MCC: variants seen among roughly 807,000 people sequenced by gnomAD.
The protein encoded by MCC is MCC regulator of Wnt signaling pathway.
In MCC, 90 loss-of-function variants were observed where a neutral mutation model predicts 116.2. That is an observed-to-expected ratio of 0.77 (90% CI 0.65 to 0.92). MCC has a LOEUF of 0.92. Among genes scored for constraint, MCC ranks in the 40% least tolerant of loss-of-function variants. MCC has a pLI of 0.00. For missense variants in MCC, 1,516 were observed against 1,312.2 expected, an observed-to-expected ratio of 1.16 and a Z score of -2.40; for synonymous variants, 578 against 510.5, an observed-to-expected ratio of 1.13 and a Z score of -1.78.
intron 17 of MCC, among the ~76,000 whole-genome samples, chr5:113,029,457 A>T (rs1750809863): frequency 6.6e-6 from 1 of 151,228 alleles, no homozygotes; most frequent in Admixed American, 6.6e-5. Flanking sequence ...CTCCTGAACC[A>T]CTCAGGTTTA....
chr5:113,113,183 T>G (rs1757198994), intron 6 of MCC, among the ~76,000 whole-genome samples: 1 of 152,216 alleles, frequency 6.6e-6, no homozygotes, highest in Non-Finnish European at 1.5e-5. Context: ...ACCTACAGAT[T>G]CTTTCAGCCT....
Position 113,024,862 on chromosome 5 carries a change from T to C in MCC, c.*2440A>G, listed in dbSNP as rs545300880. ...AAAAATACAAGAAAAGGAAAAACTT[T>C]TATAGCTTTTTTATTATACATATTT... On this transcript the variant is annotated 3_prime_UTR_variant, in exon 19 of 19. Coordinates refer to ENST00000408903, the MANE Select transcript of MCC (RefSeq NM_001085377.2). The C allele has an allele frequency of 2.8e-4, 43 of 152,308 alleles. 1 individual carries two copies. The highest frequency in any genetic ancestry group is 1.0e-3 in the African/African-American group (43 of 41,570). The allele number at this position is 152,308 out of a possible 1,614,324, so 9.4% of individuals were successfully genotyped here.
chr5:113,042,141 T>C (rs906999689), intron 17 of MCC, among the ~76,000 whole-genome samples: 44 of 150,842 alleles, frequency 2.9e-4, no homozygotes, highest in Non-Finnish European at 5.6e-4. Flanking sequence ...GAATTACATG[T>C]GAAGAAACAG....
intron 3 of MCC, among the ~76,000 whole-genome samples, chr5:113,306,383 G>A (rs1371127923): frequency 1.3e-5 from 2 of 152,192 alleles, no homozygotes; most frequent in African/African-American, 4.8e-5. Context: ...CACTAGCCAT[G>A]TATGAGGGTT....
chr5:113,115,861 G>C (rs1757363341), intron 6 of MCC, among the ~76,000 whole-genome samples: 1 of 152,152 alleles, frequency 6.6e-6, no homozygotes, highest in African/African-American at 2.4e-5. Flanking sequence ...GGGTAGAGAA[G>C]GGACAGCAAC....
At chr5:113,159,060 A>G (rs1275261216) in intron 3 of MCC, among the ~76,000 whole-genome samples, 1 of 152,152 alleles carries the variant, frequency 6.6e-6, no homozygotes, top group Admixed American at 6.5e-5. Context: ...GGGAGCGAGA[A>G]GGGTGGCAGG....
At chr5:113,227,995 G>A (rs1458583480) in intron 3 of MCC, among the ~76,000 whole-genome samples, 2 of 152,200 alleles carry the variant, frequency 1.3e-5, no homozygotes, top group Non-Finnish European at 2.9e-5. Flanking sequence ...CATAGCAACA[G>A]ATGATGCTAC....
Position 113,151,408 on chromosome 5 carries a change from G to A in MCC, c.642C>T (p.Ala214=). 6.2e-7 allele frequency: 1 copy of A among 1,607,242 alleles called. No homozygotes were observed. Among genetic ancestry groups the A allele is most frequent in the Non-Finnish European group, 8.5e-7 (1 of 1,174,440 alleles). Residue 214 remains alanine (A), a synonymous_variant, in exon 4 of 19, where the codon GCC becomes GCT. Coordinates refer to ENST00000408903, the MANE Select transcript of MCC (RefSeq NM_001085377.2). ...CTATATCTCCCTTTAGTGATGCCAG[G>A]GCTGCTGAATGGAGCTGTGGTGACA... The part of the protein sequence containing the change: ...LELANTLHSA[A]LASLKGDIVE...
intron 2 of MCC, among the ~76,000 whole-genome samples, chr5:113,382,278 T>G (rs923414549): frequency 2.0e-5 from 3 of 151,826 alleles, no homozygotes; most frequent in African/African-American, 7.3e-5. Flanking sequence ...TCCTTTTTTT[T>G]TTTTTTTTTG....
At chr5:113,401,238 A>G (rs1165803279) in intron 1 of MCC, among the ~76,000 whole-genome samples, 1 of 152,216 alleles carries the variant, frequency 6.6e-6, no homozygotes, top group Admixed American at 6.5e-5. Flanking sequence ...TTCTTTCACC[A>G]GGGTAAAAAG....
Position 113,488,345 on chromosome 5 carries a change from TGCC to T in MCC, c.67_69del (p.Gly23del), listed in dbSNP as rs756603211. 1 of 1,498,730 alleles carries T rather than the reference TGCC, an allele frequency of 6.7e-7. No individual in the cohort carries two copies. Among genetic ancestry groups the T allele is most frequent in the African/African-American group, 1.4e-5 (1 of 69,358 alleles). The allele number at this position is 1,498,730 out of a possible 1,614,324, so 92.8% of individuals were successfully genotyped here. A position where few individuals can be genotyped will look rare whatever the true frequency, so the allele number is the denominator to read the frequency against. On this transcript the variant is annotated inframe_deletion, in exon 1 of 19. Coordinates refer to ENST00000408903, the MANE Select transcript of MCC (RefSeq NM_001085377.2). ...GACGTGTCGCTGCTGCTGCTGCTGCTGCCGCTGCCGCCGCCGCCGCCGCCGCTG... is the reference window on the plus strand; with the variant it reads ...GACGTGTCGCTGCTGCTGCTGCTGCTGCTGCCGCCGCCGCCGCCGCCGCTG...
chr5:113,239,370 G>C (rs1561478613), intron 3 of MCC, among the ~76,000 whole-genome samples: 1 of 152,300 alleles, frequency 6.6e-6, no homozygotes, highest in Admixed American at 6.5e-5. Context: ...TCCCAAAAGG[G>C]CAGCTCTGAG....
At chr5:113,118,665 T>C (rs1757533721) in intron 6 of MCC, among the ~76,000 whole-genome samples, 1 of 152,236 alleles carries the variant, frequency 6.6e-6, no homozygotes, top group Non-Finnish European at 1.5e-5. Context: ...TTTGCAAATA[T>C]AGCAACTATA....
At position 113,116,025 on chromosome 5, in the gene MCC, T is replaced by C. The variant is rs1188126808; in HGVS notation, c.1027+6659A>G. 3.3e-5 allele frequency among the ~76,000 whole-genome samples: 5 copies of C among 152,308 alleles called. No individual in the cohort carries two copies. In the East Asian group the frequency reaches 5.8e-4, roughly 18 times the overall value. On this transcript the variant is annotated intron_variant, in intron 6 of 18. Coordinates refer to ENST00000408903, the MANE Select transcript of MCC (RefSeq NM_001085377.2). Reference sequence around the variant, plus strand: ...CTGACCACAGCCCAGCTCTCAGGCCTCACTTCTGCCCACTCTCCCCCAGGC... The same window carrying C: ...CTGACCACAGCCCAGCTCTCAGGCCCCACTTCTGCCCACTCTCCCCCAGGC...
At chr5:113,099,367 C>T (rs1393397087) in intron 8 of MCC, among the ~76,000 whole-genome samples, 3 of 152,094 alleles carry the variant, frequency 2.0e-5, no homozygotes, top group Non-Finnish European at 1.5e-5. Context: ...TGTAATTATC[C>T]AATGTCCATG....
At position 113,046,710 on chromosome 5, in the gene MCC, A is replaced by AAAAAAAAAAAAAAAAAAAAAAAAAGAG; in HGVS notation, c.2655+2382_2655+2383insCTCTTTTTTTTTTTTTTTTTTTTTTTT. Reference sequence around the variant, plus strand: ...CAAAAAAAAAAAAAAAAAAAAAAAAAAGAGAGAGATTTTGAAGGTGTTTGT... The same window carrying AAAAAAAAAAAAAAAAAAAAAAAAAGAG: ...CAAAAAAAAAAAAAAAAAAAAAAAAAAAAAAAAAAAAAAAAAAAAAAAAAGAGAGAGAGAGATTTTGAAGGTGTTTGT... On this transcript the variant is annotated intron_variant, in intron 16 of 18. Coordinates refer to ENST00000408903, the MANE Select transcript of MCC (RefSeq NM_001085377.2). Among the ~76,000 whole-genome samples, 6 of 102,408 alleles carry AAAAAAAAAAAAAAAAAAAAAAAAAGAG rather than the reference A, an allele frequency of 5.9e-5. 1 individual carries two copies. Among genetic ancestry groups the AAAAAAAAAAAAAAAAAAAAAAAAAGAG allele is most frequent in the Admixed American group, 2.0e-4 (2 of 10,052 alleles). The allele number at this position is 102,408 out of a possible 152,430, so 67.2% of individuals were successfully genotyped here. A position where few individuals can be genotyped will look rare whatever the true frequency, so the allele number is the denominator to read the frequency against.
At chr5:113,471,794 G>A (rs1325400051) in intron 1 of MCC, among the ~76,000 whole-genome samples, 1 of 146,258 alleles carries the variant, frequency 6.8e-6, no homozygotes, top group Non-Finnish European at 1.5e-5. Flanking sequence ...TTGAGCTGTG[G>A]TGGGCTCCAC....
At chr5:113,040,704 A>G (rs1751647788) in intron 17 of MCC, among the ~76,000 whole-genome samples, 1 of 152,118 alleles carries the variant, frequency 6.6e-6, no homozygotes, top group South Asian at 2.1e-4. Context: ...TTTCTAAGCT[A>G]TATTTACAGT....
intron 2 of MCC, among the ~76,000 whole-genome samples, chr5:113,354,698 T>C (rs1437018611): frequency 6.6e-6 from 1 of 151,666 alleles, no homozygotes; most frequent in East Asian, 1.9e-4. Flanking sequence ...GCCTCCCAAA[T>C]GCTGGGATTA....
Sources: gnomAD v4.1 joint callset for allele counts (sites outside exome capture counted in the v4.1 genomes callset) on GRCh38, gnomAD v4.1.1 for gene constraint, MANE v1.5 for transcripts, NCBI Gene and HGNC (gene_info 2026-07-23, HGNC 2026-07-21) for gene names.